The following WDHD1 variants were observed in gnomAD, a reference collection of about 807,000 sequenced individuals.
WDHD1 encodes WD repeat and HMG-box DNA binding protein 1, also known as WD repeat and HMG-box DNA-binding protein 1.
WDHD1 carries 111 observed loss-of-function variants against 135.4 expected under a neutral mutation model. The ratio of observed to expected loss-of-function variants is 0.82; its 90% CI spans 0.70 to 0.96. The LOEUF is 0.96. Ranked by LOEUF, WDHD1 falls within the 40% of genes least tolerant of loss-of-function variation. WDHD1 has a pLI of 0.00. For synonymous variants in WDHD1, 434 were observed against 439.0 expected (o/e 0.99, Z 0.14); for missense variants, 1,351 against 1,336.3 (o/e 1.01, Z -0.17).
rs767400786 is a variant in WDHD1, at chr14:54,967,347, G to T, written c.2111C>A (p.Pro704His). 1.2e-6 allele frequency: 2 copies of T among 1,612,536 alleles called. No homozygotes were observed. Among genetic ancestry groups the T allele is most frequent in the Non-Finnish European group, 1.7e-6 (2 of 1,179,008 alleles). ...GSRFPPTLPR[P>H]AVAILSFKLP... Reference sequence around the variant, plus strand: ...CTTAAAGGATAATATAGCAACAGCAGGGCGTGGAAGGGTTGGGGGAAACCG... The same window carrying T: ...CTTAAAGGATAATATAGCAACAGCATGGCGTGGAAGGGTTGGGGGAAACCG... Residue 704 changes from proline to histidine, a missense_variant, in exon 17 of 26, where the codon CCT (proline) becomes CAT (histidine). This residue lies in a region of WDHD1 where 1,330 missense variants were observed against 1,296.1 expected (regional missense o/e 1.03). Transcript: ENST00000360586.
intron 24 of WDHD1, chr14:54,944,685 T>G: frequency 3.3e-6 from 1 of 302,046 alleles, no homozygotes. Context: ...AATGGCGCGA[T>G]CTCAGCTCAC....
chr14:55,005,387 C>T (rs2042048475), intron 7 of WDHD1: 4 of 566,578 alleles, frequency 7.1e-6, no homozygotes, highest in South Asian at 4.1e-5. Context: ...AGTGAAGCAG[C>T]CAGCAACTGG....
chr14:54,947,150 A>G (rs2040940583), intron 24 of WDHD1, among the ~76,000 whole-genome samples: 1 of 151,380 alleles, frequency 6.6e-6, no homozygotes, highest in Non-Finnish European at 1.5e-5. Flanking sequence ...GACCAGCCTG[A>G]CCAACATGGA....
At chr14:55,016,946 C>T (rs1478855537) in intron 2 of WDHD1, among the ~76,000 whole-genome samples, 1 of 152,140 alleles carries the variant, frequency 6.6e-6, no homozygotes, top group Admixed American at 6.5e-5. Flanking sequence ...AGCAAAAGAA[C>T]TTTCAAACAG....
At chr14:54,976,323 GT>G (rs1420400796) in intron 16 of WDHD1, among the ~76,000 whole-genome samples, 2 of 152,144 alleles carry the variant, frequency 1.3e-5, no homozygotes, top group African/African-American at 4.8e-5. Context: ...CTGGGTTCAA[GT>G]CATACCCTTA....
chr14:54,976,754 T>C (rs934887490), intron 16 of WDHD1, among the ~76,000 whole-genome samples: 1 of 151,266 alleles, frequency 6.6e-6, no homozygotes, highest in Non-Finnish European at 1.5e-5. Context: ...TAATAAATAA[T>C]AAATAAATAA....
At chr14:55,009,663 C>A (rs1308630433) in intron 4 of WDHD1, among the ~76,000 whole-genome samples, 1 of 151,966 alleles carries the variant, frequency 6.6e-6, no homozygotes, top group Non-Finnish European at 1.5e-5. Flanking sequence ...AACTCCTGAC[C>A]TCAGGTGATC....
chr14:55,008,192 T>G, intron 6 of WDHD1, 124 bp downstream of exon 6: 1 of 924,112 alleles, frequency 1.1e-6, no homozygotes, highest in East Asian at 2.7e-5. Flanking sequence ...AAAAACAGTA[T>G]TTAATGGTAC....
At chr14:54,993,076 A>C (rs906269160) in intron 11 of WDHD1, among the ~76,000 whole-genome samples, 1 of 152,196 alleles carries the variant, frequency 6.6e-6, no homozygotes, top group Non-Finnish European at 1.5e-5. Flanking sequence ...TGATTTTAAA[A>C]AATCCATTCA....
intron 6 of WDHD1, among the ~76,000 whole-genome samples, chr14:55,007,693 A>C (rs1409948663): frequency 2.6e-5 from 4 of 152,208 alleles, no homozygotes; most frequent in African/African-American, 9.6e-5. Flanking sequence ...TAAAACTTCA[A>C]TGGTCTACTA....
intron 2 of WDHD1, among the ~76,000 whole-genome samples, chr14:55,016,185 G>A (rs985021226): frequency 2.0e-5 from 3 of 152,128 alleles, no homozygotes. Context: ...TTTCTAAATG[G>A]TTTTGTCCTT....
chr14:54,985,537 G>T (rs1437310114), intron 14 of WDHD1, among the ~76,000 whole-genome samples: 1 of 152,222 alleles, frequency 6.6e-6, no homozygotes, highest in Non-Finnish European at 1.5e-5. Context: ...GGGATCAGTA[G>T]ATCACCTTGA....
chr14:54,982,701 T>C (rs1451007076), intron 15 of WDHD1, among the ~76,000 whole-genome samples: 1 of 152,222 alleles, frequency 6.6e-6, no homozygotes, highest in African/African-American at 2.4e-5. Flanking sequence ...ATGGAAGTTA[T>C]CAATGGTTCA....
intron 2 of WDHD1, among the ~76,000 whole-genome samples, chr14:55,021,114 TCTGA>T (rs952554559): frequency 2.0e-5 from 3 of 152,198 alleles, no homozygotes; most frequent in African/African-American, 7.2e-5. Context: ...ATAATTTCCG[TCTGA>T]CTCTTTTCCT....
rs1324258293 is a variant in WDHD1, at chr14:55,005,497, G to A, written c.600+1783C>T. 18 of 566,086 alleles carry A rather than the reference G, an allele frequency of 3.2e-5. 2 individuals carry two copies. In the Admixed American group the frequency reaches 3.5e-4, roughly 11 times the overall value. The allele number at this position is 566,086 out of a possible 1,614,324, so 35.1% of individuals were successfully genotyped here. A position where few individuals can be genotyped will look rare whatever the true frequency, so the allele number is the denominator to read the frequency against. On this transcript the variant is annotated intron_variant, in intron 7 of 25. Transcript: ENST00000360586. ...TGAAAGAGTTTTCAACAGCAACAAT[G>A]GCACAAGCTCCCAGGAGAAGCTTCT...
intron 7 of WDHD1, among the ~76,000 whole-genome samples, 178 bp downstream of exon 7, chr14:55,007,102 C>T (rs2140220574): frequency 6.6e-6 from 1 of 151,930 alleles, no homozygotes; most frequent in South Asian, 2.1e-4. Flanking sequence ...GCAGTGTGCA[C>T]CTGTAATCCC....
chr14:55,000,059 T>A (rs755299653), intron 10 of WDHD1, among the ~76,000 whole-genome samples: 11 of 152,194 alleles, frequency 7.2e-5, no homozygotes, highest in Non-Finnish European at 1.5e-4. Context: ...AAACTAAGAC[T>A]TGAATATAAA....
intron 2 of WDHD1, among the ~76,000 whole-genome samples, chr14:55,020,743 T>C (rs532521363): frequency 3.0e-4 from 46 of 152,282 alleles, no homozygotes; most frequent in South Asian, 1.2e-3. Flanking sequence ...AAAATCCACA[T>C]AGAAGTTTTG....
At chr14:54,958,257 G>T (rs185496349) in intron 21 of WDHD1, among the ~76,000 whole-genome samples, 50 of 151,714 alleles carry the variant, frequency 3.3e-4, no homozygotes, top group African/African-American at 1.1e-3. Flanking sequence ...CTCCCGAATT[G>T]CTGGGATTAC....
Sources: allele counts gnomAD v4.1 joint callset (sites outside exome capture counted in the v4.1 genomes callset), GRCh38; gene constraint gnomAD v4.1.1; regional missense constraint gnomAD v4.1.1; transcripts MANE v1.5; gene names NCBI Gene and HGNC (gene_info 2026-07-23, HGNC 2026-07-21).